SNX25: variants seen among roughly 807,000 people sequenced by gnomAD.
SNX25 encodes sorting nexin 25.
SNX25 carries 62 observed loss-of-function variants against 113.7 expected under a neutral mutation model. That is an observed-to-expected ratio of 0.55 (90% CI 0.44 to 0.67). The LOEUF is 0.67. Ranked by LOEUF, SNX25 falls within the 30% of genes least tolerant of loss-of-function variation. The probability of loss-of-function intolerance (pLI) is 0.00; values close to 1 mark genes in which losing one functional copy is unlikely to be tolerated. For missense variants in SNX25, 1,014 were observed against 1,161.0 expected (o/e 0.87, Z 1.84); for synonymous variants, 421 against 436.2 (o/e 0.97, Z 0.43).
chr4:185,298,132 A>G (rs1420759431), intron 6 of SNX25, among the ~76,000 whole-genome samples: 1 of 139,424 alleles, frequency 7.2e-6, no homozygotes, highest in Non-Finnish European at 1.5e-5. Flanking sequence ...TCTGTCACCC[A>G]GACTGCAGTG....
chr4:185,281,546 T>C (rs1279255705), intron 5 of SNX25, among the ~76,000 whole-genome samples: 1 of 152,214 alleles, frequency 6.6e-6, no homozygotes, highest in African/African-American at 2.4e-5. Flanking sequence ...CATTCTTTAC[T>C]ACTCTGATAC....
chr4:185,258,793 C>T, intron 2 of SNX25, 55 bp from the exon 3 acceptor site: 5 of 1,429,502 alleles, frequency 3.5e-6, no homozygotes, highest in Non-Finnish European at 4.9e-6. Context: ...GAAATGCAGT[C>T]TTGGTGTTTG....
intron 15 of SNX25, among the ~76,000 whole-genome samples, chr4:185,354,382 C>T (rs1431478753): frequency 6.6e-6 from 1 of 152,132 alleles, no homozygotes; most frequent in Admixed American, 6.5e-5. Flanking sequence ...AGTAGTTCTT[C>T]ATGGAGGGAA....
chr4:185,310,040 A>G (rs143091552), intron 6 of SNX25, among the ~76,000 whole-genome samples: 4 of 152,258 alleles, frequency 2.6e-5, no homozygotes, highest in South Asian at 2.1e-4. Context: ...GACACTCGCT[A>G]TTCTTTCTGT....
chr4:185,378,110 T>C, the SNX25 span: 1 of 1,613,862 alleles, frequency 6.2e-7, no homozygotes, highest in South Asian at 1.1e-5. Flanking sequence ...CTGGAAAAAT[T>C]TTTGGTTTTT....
intron 5 of SNX25, among the ~76,000 whole-genome samples, chr4:185,279,471 C>G (rs74940207): frequency 6.6e-6 from 1 of 152,232 alleles, no homozygotes; most frequent in Non-Finnish European, 1.5e-5. Flanking sequence ...TTTTAAAAGC[C>G]CTTTAGTGGA....
At chr4:185,243,900 C>T (rs1287679656) in intron 1 of SNX25, among the ~76,000 whole-genome samples, 1 of 152,150 alleles carries the variant, frequency 6.6e-6, no homozygotes, top group East Asian at 1.9e-4. Flanking sequence ...GACACATATC[C>T]AAAGAATATG....
intron 12 of SNX25, among the ~76,000 whole-genome samples, chr4:185,342,568 C>T (rs1579860314): frequency 1.3e-5 from 2 of 151,672 alleles, no homozygotes; most frequent in East Asian, 3.9e-4. Context: ...AGGATTCTGT[C>T]ACATACACAA....
downstream of SNX25, chr4:185,372,860 T>G (rs184530262): frequency 1.4e-5 from 22 of 1,599,500 alleles, no homozygotes; most frequent in Non-Finnish European, 1.8e-5. Context: ...ATTCACCTTT[T>G]GGAAAATGCA....
At chr4:185,304,635 G>A (rs772303018) in intron 6 of SNX25, among the ~76,000 whole-genome samples, 14 of 152,242 alleles carry the variant, frequency 9.2e-5, no homozygotes, top group South Asian at 6.2e-4. Flanking sequence ...GGAATTACAG[G>A]CGTGAGCCAC....
At chr4:185,256,504 T>C (rs551042004) in intron 2 of SNX25, among the ~76,000 whole-genome samples, 1 of 152,144 alleles carries the variant, frequency 6.6e-6, no homozygotes, top group African/African-American at 2.4e-5. Context: ...AAAATTGTGC[T>C]TCCTTTGACC....
chr4:185,207,180 C>T (rs1306735692), upstream of SNX25, among the ~76,000 whole-genome samples: 1 of 143,664 alleles, frequency 7.0e-6, no homozygotes, highest in African/African-American at 2.6e-5. Flanking sequence ...CCAATCCAGT[C>T]AAATTGACAC....
intron 5 of SNX25, among the ~76,000 whole-genome samples, chr4:185,286,836 AAAAAT>A (rs1263064605): frequency 6.6e-6 from 1 of 152,194 alleles, no homozygotes; most frequent in African/African-American, 2.4e-5. Flanking sequence ...ATCCAAATGA[AAAAAT>A]AAGGTGCAAA....
chr4:185,279,803 T>C (rs2126587063), intron 5 of SNX25, among the ~76,000 whole-genome samples: 1 of 152,344 alleles, frequency 6.6e-6, no homozygotes, highest in South Asian at 2.1e-4. Flanking sequence ...GATGTACTTA[T>C]GACTCATAAT....
intron 6 of SNX25, among the ~76,000 whole-genome samples, chr4:185,294,211 T>G (rs1488900530): frequency 6.6e-6 from 1 of 152,150 alleles, no homozygotes; most frequent in Non-Finnish European, 1.5e-5. Flanking sequence ...CAAAACACTT[T>G]GCTCAGCGAG....
At chr4:185,240,355 G>A (rs1163862502) in intron 1 of SNX25, among the ~76,000 whole-genome samples, 12 of 151,270 alleles carry the variant, frequency 7.9e-5, no homozygotes, top group Non-Finnish European at 1.0e-4. Flanking sequence ...GGGCAGAGGC[G>A]CCTCTCACCT....
At chr4:185,218,602 G>C (rs1207295639) in intron 1 of SNX25, among the ~76,000 whole-genome samples, 1 of 152,230 alleles carries the variant, frequency 6.6e-6, no homozygotes, top group African/African-American at 2.4e-5. Context: ...TTCTAGGTAT[G>C]AGTAGCCACA....
intron 10 of SNX25, among the ~76,000 whole-genome samples, chr4:185,335,030 T>C (rs1209987092): frequency 6.6e-6 from 1 of 152,106 alleles, no homozygotes; most frequent in Non-Finnish European, 1.5e-5. Context: ...TTTTAAAAAC[T>C]TAAGATTGGC....
chr4:185,335,316 T>A (rs1022272812), intron 10 of SNX25, among the ~76,000 whole-genome samples: 37 of 140,898 alleles, frequency 2.6e-4, no homozygotes, highest in African/African-American at 8.8e-4. Context: ...TGAAAAAGTC[T>A]CACACACACA....
Sources: gnomAD v4.1 joint callset for allele counts (sites outside exome capture counted in the v4.1 genomes callset) on GRCh38, gnomAD v4.1.1 for gene constraint, MANE v1.5 for transcripts, NCBI Gene and HGNC (gene_info 2026-07-23, HGNC 2026-07-21) for gene names.